Variants in HIBADH observed in about 807,000 individuals in gnomAD.
HIBADH encodes the protein 3-hydroxyisobutyrate dehydrogenase, mitochondrial.
A neutral mutation model predicts 36.1 loss-of-function variants in HIBADH; 25 were observed. The observed-to-expected ratio is 0.69, with a 90% CI of 0.50 to 0.97. The LOEUF (loss-of-function observed/expected upper bound fraction) is 0.97. Ranked by LOEUF, HIBADH falls within the 50% of genes least tolerant of loss-of-function variation. The pLI, the probability that HIBADH is intolerant of heterozygous loss-of-function variation, is 0.00. For missense variants in HIBADH, 421 were observed against 418.0 expected (o/e 1.01, Z -0.06); for synonymous variants, 160 against 149.5 (o/e 1.07, Z -0.51).
chr7:27,600,837 T>C (rs542717395), intron 4 of HIBADH, among the ~76,000 whole-genome samples: 34 of 152,278 alleles, frequency 2.2e-4, no homozygotes, highest in African/African-American at 7.9e-4. Flanking sequence ...GAAGAGCCTC[T>C]TCTTTACTCT....
chr7:27,646,527 G>A (rs1786074504), intron 2 of HIBADH, among the ~76,000 whole-genome samples: 1 of 151,548 alleles, frequency 6.6e-6, no homozygotes, highest in South Asian at 2.1e-4. Context: ...TATAGACTAT[G>A]TTTTCTGGTT....
At chr7:27,542,020 T>C (rs1290714509) in intron 5 of HIBADH, among the ~76,000 whole-genome samples, 2 of 152,228 alleles carry the variant, frequency 1.3e-5, no homozygotes, top group African/African-American at 2.4e-5. Flanking sequence ...CAACTGTAAA[T>C]GGTGCCATGT....
At chr7:27,645,382 T>TTTTGTTTTTTTTGTTTTTG (rs1554300970) in intron 2 of HIBADH, among the ~76,000 whole-genome samples, 1 of 129,080 alleles carries the variant, frequency 7.7e-6, no homozygotes, top group African/African-American at 3.1e-5. Context: ...TTTTTTTTTT[T>TTTTGTTTTTTTTGTTTTTG]TTTTTTTTTT....
Position 27,537,706 on chromosome 7 carries a change from T to C in HIBADH, c.695+635A>G, listed in dbSNP as rs1459256732. Among the ~76,000 whole-genome samples, 5 of 152,142 alleles carry C rather than the reference T, an allele frequency of 3.3e-5. No homozygotes were observed. The East Asian group carries it at 7.7e-4, about 23-fold the overall frequency. On this transcript the variant is annotated intron_variant, in intron 6 of 7. Transcript: ENST00000265395. ...TAAGCATTTAAAAGATGATCATCCA[T>C]AGGAAAAACAGAATTCCTGAATCAC...
At chr7:27,589,699 G>A (rs1212998147) in intron 4 of HIBADH, among the ~76,000 whole-genome samples, 1 of 152,158 alleles carries the variant, frequency 6.6e-6, no homozygotes, top group Middle Eastern at 3.2e-3. Context: ...TTGATTGTAA[G>A]ACAATCAGTA....
At chr7:27,595,496 C>T (rs1377534337) in intron 4 of HIBADH, among the ~76,000 whole-genome samples, 1 of 151,562 alleles carries the variant, frequency 6.6e-6, no homozygotes, top group East Asian at 1.9e-4. Context: ...TAGATTGTGA[C>T]ACTGCACTCC....
At chr7:27,528,190 C>T (rs968486939) in intron 7 of HIBADH, among the ~76,000 whole-genome samples, 5 of 151,830 alleles carry the variant, frequency 3.3e-5, no homozygotes, top group Admixed American at 6.6e-5. Flanking sequence ...AATGGCAGCT[C>T]TCTCTCTCTT....
intron 4 of HIBADH, among the ~76,000 whole-genome samples, chr7:27,549,517 ACT>A (rs1259209804): frequency 1.3e-5 from 2 of 152,030 alleles, no homozygotes; most frequent in East Asian, 1.9e-4. Context: ...GTCTTGGGAA[ACT>A]CTATTTGAGA....
intron 2 of HIBADH, among the ~76,000 whole-genome samples, chr7:27,633,442 G>T (rs2128294788): frequency 6.6e-6 from 1 of 152,252 alleles, no homozygotes; most frequent in Non-Finnish European, 1.5e-5. Flanking sequence ...AGGATTGCCT[G>T]AACCCAGGAG....
At position 27,619,355 on chromosome 7, in the gene HIBADH, T is replaced by G. The variant is rs900601899; in HGVS notation, c.484+10016A>C. Among the ~76,000 whole-genome samples, 3 of 152,216 alleles carry G rather than the reference T, an allele frequency of 2.0e-5. No homozygotes were observed. The East Asian group carries it at 5.8e-4, about 29-fold the overall frequency. On this transcript the variant is annotated intron_variant, in intron 4 of 7. Coordinates refer to ENST00000265395, the MANE Select transcript of HIBADH (RefSeq NM_152740.4). Reference sequence around the variant, plus strand: ...AAATTCAAAAATAGGAGGAAGAGACTGTTACACCAGATGCACAGATATCAA... The same window carrying G: ...AAATTCAAAAATAGGAGGAAGAGACGGTTACACCAGATGCACAGATATCAA...
At chr7:27,655,749 AC>A (rs35402898) in intron 1 of HIBADH, among the ~76,000 whole-genome samples, 2 of 151,922 alleles carry the variant, frequency 1.3e-5, no homozygotes, top group African/African-American at 4.8e-5. Context: ...TATGTAAATT[AC>A]CCCCCAGAAA....
chr7:27,550,772 C>CT (rs1230119075), intron 4 of HIBADH, among the ~76,000 whole-genome samples: 1 of 152,124 alleles, frequency 6.6e-6, no homozygotes, highest in Admixed American at 6.5e-5. Context: ...CTGTTTGAAT[C>CT]TTTGCACCCA....
chr7:27,573,221 C>T (rs1262492180), intron 4 of HIBADH, among the ~76,000 whole-genome samples: 3 of 152,198 alleles, frequency 2.0e-5, no homozygotes. Flanking sequence ...TTCTAATTCT[C>T]AACTTTGAAT....
intron 6 of HIBADH, among the ~76,000 whole-genome samples, chr7:27,537,964 C>T (rs1347316490): frequency 2.6e-5 from 4 of 152,038 alleles, no homozygotes; most frequent in Non-Finnish European, 5.9e-5. Context: ...GAATTCACTA[C>T]ACACTAAAAC....
intron 7 of HIBADH, among the ~76,000 whole-genome samples, chr7:27,528,218 A>G (rs1783940481): frequency 6.6e-6 from 1 of 152,050 alleles, no homozygotes; most frequent in East Asian, 1.9e-4. Flanking sequence ...AGGCCTCCCT[A>G]TTCCCTGAGA....
At chr7:27,634,153 G>A (rs1279686608) in intron 2 of HIBADH, among the ~76,000 whole-genome samples, 2 of 152,040 alleles carry the variant, frequency 1.3e-5, no homozygotes, top group African/African-American at 4.8e-5. Flanking sequence ...GGCATATTGT[G>A]TATTAACAAG....
intron 4 of HIBADH, among the ~76,000 whole-genome samples, chr7:27,587,726 T>C (rs1784885688): frequency 6.6e-6 from 1 of 152,202 alleles, no homozygotes; most frequent in Non-Finnish European, 1.5e-5. Flanking sequence ...ATCAGTGATT[T>C]GAAGGTTGAG....
intron 2 of HIBADH, among the ~76,000 whole-genome samples, chr7:27,639,400 A>G (rs902020741): frequency 6.6e-6 from 1 of 152,154 alleles, no homozygotes; most frequent in Non-Finnish European, 1.5e-5. Flanking sequence ...GTACACACAG[A>G]CACAAAGAAA....
intron 4 of HIBADH, among the ~76,000 whole-genome samples, chr7:27,606,317 T>TC (rs938296155): frequency 1.4e-4 from 21 of 152,256 alleles, no homozygotes; most frequent in African/African-American, 4.8e-4. Context: ...TTTTAATCCC[T>TC]CCGCAGACAA....
Sources: allele counts gnomAD v4.1 joint callset (sites outside exome capture counted in the v4.1 genomes callset), GRCh38; gene constraint gnomAD v4.1.1; transcripts MANE v1.5; gene names NCBI Gene and HGNC (gene_info 2026-07-23, HGNC 2026-07-21).